IQGAP3: variants seen among roughly 807,000 people sequenced by gnomAD.
The protein encoded by IQGAP3 is IQ motif containing GTPase activating protein 3, also known as ras GTPase-activating-like protein IQGAP3.
IQGAP3 carries 165 observed loss-of-function variants against 208.2 expected under a neutral mutation model. The ratio of observed to expected loss-of-function variants is 0.79; its 90% CI spans 0.70 to 0.90. IQGAP3 has a LOEUF of 0.90. IQGAP3 is among the 40% of genes least tolerant of loss of function. IQGAP3 has a pLI of 0.00. For missense variants in IQGAP3, 1,811 were observed against 2,043.1 expected (o/e 0.89, Z 2.19); for synonymous variants, 703 against 803.6 (o/e 0.87, Z 2.12).
chr1:156,566,299 A>T (rs1261969337), intron 3 of IQGAP3, 91 bp downstream of exon 3: 20 of 1,389,602 alleles, frequency 1.4e-5, no homozygotes, highest in South Asian at 2.6e-5. Context: ...GATTTGGACA[A>T]TAAGTTATAT....
chr1:156,538,130 G>A (rs1052666794), intron 26 of IQGAP3, among the ~76,000 whole-genome samples: 5 of 151,914 alleles, frequency 3.3e-5, no homozygotes, highest in South Asian at 2.1e-4. Context: ...GCACGATCTC[G>A]GCTCACTGCA....
intron 22 of IQGAP3, among the ~76,000 whole-genome samples, chr1:156,542,143 A>G (rs1675017008): frequency 6.6e-6 from 1 of 152,216 alleles, no homozygotes; most frequent in Non-Finnish European, 1.5e-5. Context: ...ACATGATCAC[A>G]TGTACAGGTT....
At chr1:156,565,005 C>A (rs1306207543) in intron 4 of IQGAP3, among the ~76,000 whole-genome samples, 2 of 152,256 alleles carry the variant, frequency 1.3e-5, no homozygotes, top group Middle Eastern at 3.4e-3. Flanking sequence ...ATAACAGCAA[C>A]AACAACAAAA....
chr1:156,544,472 C>A lies in IQGAP3; in HGVS notation c.2305G>T (p.Ala769Ser). 3 of 1,613,450 alleles carry A rather than the reference C, an allele frequency of 1.9e-6. No individual in the cohort carries two copies. The South Asian group carries it at 3.3e-5, about 18-fold the overall frequency. Reference protein sequence around the residue: ...TWLPAVIKIQAHWRGYRQRKI... With the variant: ...TWLPAVIKIQSHWRGYRQRKI... ...CGCTGCCTATAACCCCGCCAATGAG[C>A]CTGCACATCAGGAGAGAAAGGGAAG... Residue 769 changes from alanine (A) to serine (S), a missense_variant and splice_region_variant, in exon 20 of 38, where the codon GCT becomes TCT. Ala to Ser is a moderately conservative substitution (Grantham distance 99). Coordinates refer to ENST00000361170, the MANE Select transcript of IQGAP3 (RefSeq NM_178229.5).
rs115082222 is a variant in IQGAP3 at position 156,571,932 on chromosome 1, C to G, written c.37+561G>C. 3.5e-3 allele frequency among the ~76,000 whole-genome samples: 526 copies of G among 152,338 alleles called. 3 individuals carry two copies. The highest frequency in any genetic ancestry group is 0.012 in the African/African-American group (511 of 41,578). ...CAGGGACTACCTTCCTCACAATCAC[C>G]TGGGGTGAGGGAAGAAGCACAGCAG... On this transcript the variant is annotated intron_variant, in intron 1 of 37. Transcript: ENST00000361170.
At chr1:156,541,606 G>A (rs1674987850) in intron 22 of IQGAP3, among the ~76,000 whole-genome samples, 1 of 152,164 alleles carries the variant, frequency 6.6e-6, no homozygotes, top group Admixed American at 6.5e-5. Flanking sequence ...CCACCTGTGA[G>A]GTCAGTACAC....
chr1:156,544,931 G>A lies in IQGAP3; in HGVS notation c.2305-459C>T, dbSNP rs1675160303. On this transcript the variant is annotated intron_variant, in intron 19 of 37. Coordinates refer to ENST00000361170, the MANE Select transcript of IQGAP3 (RefSeq NM_178229.5). Reference sequence around the variant, plus strand: ...ACAGAAAGTGGGCAGAGAGCAGTCTGGAAATGCATGCAGTTGTGTGGATGA... The same window carrying A: ...ACAGAAAGTGGGCAGAGAGCAGTCTAGAAATGCATGCAGTTGTGTGGATGA... 2.6e-5 allele frequency among the ~76,000 whole-genome samples: 4 copies of A among 152,324 alleles called. No homozygotes were observed. In the South Asian group the frequency reaches 8.3e-4, roughly 32 times the overall value.
rs1357843301 is a variant in IQGAP3, at chr1:156,538,917, T to C, written c.3173A>G (p.Lys1058Arg). The change falls in exon 26 of 38, where the codon AAG becomes AGG. Residue 1058 changes from lysine to arginine, a missense_variant. By Grantham distance (26) the Lys-to-Arg change is conservative. Coordinates refer to ENST00000361170, the MANE Select transcript of IQGAP3 (RefSeq NM_178229.5). ...GTCTTCTAGCACATCCTGGATAACC[T>C]TGCCCAGAATCTCCTGCAGGGCACT... ...GQSALQEILG[K>R]VIQDVLEDKV... 1 of 1,614,046 alleles carries C rather than the reference T, an allele frequency of 6.2e-7. No homozygotes were observed. Among genetic ancestry groups the C allele is most frequent in the African/African-American group, 1.3e-5 (1 of 74,912 alleles).
chr1:156,548,780 C>T, intron 16 of IQGAP3, 32 bp from the exon 17 acceptor site: 1 of 1,520,218 alleles, frequency 6.6e-7, no homozygotes, highest in Non-Finnish European at 8.8e-7. Context: ...AGCAGTCAAT[C>T]CTTCCCCCGA....
intron 12 of IQGAP3, 75 bp from the exon 13 acceptor site, chr1:156,554,467 A>G: frequency 7.1e-7 from 1 of 1,402,060 alleles, no homozygotes; most frequent in Non-Finnish European, 9.5e-7. Flanking sequence ...TCCTGCCCCC[A>G]AGGTTCTTGA....
rs747056561 is a variant in IQGAP3, at chr1:156,530,286, C to A, written c.4223G>T (p.Arg1408Leu). The A allele has an allele frequency of 6.2e-7, 1 of 1,610,644 alleles. No individual in the cohort carries two copies. Among genetic ancestry groups the A allele is most frequent in the Non-Finnish European group, 8.5e-7 (1 of 1,179,922 alleles). ...CGGTGTCTGGGCTGTACAGGCCTGG[C>A]GTCGGCTCATCAGCTGCTTGTGGGC... is the stretch of plus-strand genomic sequence containing the variant. ...EAAHKQLMSR[R>L]QACTAQTPEP... Residue 1408 changes from arginine (R) to leucine (L), a missense_variant, in exon 34 of 38, where the codon CGC becomes CTC. Arg to Leu is a moderately radical substitution (Grantham distance 102, BLOSUM62 -2). Coordinates refer to ENST00000361170, the MANE Select transcript of IQGAP3 (RefSeq NM_178229.5).
At position 156,544,424 on chromosome 1, in the gene IQGAP3, G is replaced by A; in HGVS notation, c.2353C>T (p.Gln785Ter). 6.2e-7 allele frequency: 1 copy of A among 1,614,056 alleles called. No homozygotes were observed. The change falls in exon 20 of 38, where the codon CAG (glutamine) becomes TAG (stop). Residue 785 changes from glutamine to a stop codon, truncating the protein, a stop_gained. Transcript: ENST00000361170. LOFTEE classifies it high-confidence loss of function. ...GCATCCAGGTTTGCTTTAAAATACT[G>A]CAACCACTCCAGGTAAATCTTCCGC... ...RQRKIYLEWL[Q>*]YFKANLDAII...
chr1:156,530,628 T>C (rs541579464), intron 33 of IQGAP3, among the ~76,000 whole-genome samples: 3 of 152,266 alleles, frequency 2.0e-5, no homozygotes, highest in Non-Finnish European at 4.4e-5. Flanking sequence ...GGACAGACAC[T>C]AGCTGTGACT....
At chr1:156,547,153 C>A (rs944639757) in intron 19 of IQGAP3, among the ~76,000 whole-genome samples, 5 of 152,166 alleles carry the variant, frequency 3.3e-5, no homozygotes, top group Admixed American at 2.6e-4. Context: ...ATCTTCCCTA[C>A]CAGCCTCATG....
intron 26 of IQGAP3, among the ~76,000 whole-genome samples, chr1:156,538,547 T>G (rs964555331): frequency 6.6e-6 from 1 of 152,220 alleles, no homozygotes; most frequent in African/African-American, 2.4e-5. Context: ...ATTAAGCACA[T>G]TTGCATATTC....
intron 15 of IQGAP3, among the ~76,000 whole-genome samples, chr1:156,551,244 T>A (rs1009091548): frequency 6.6e-6 from 1 of 152,124 alleles, no homozygotes; most frequent in Non-Finnish European, 1.5e-5. Context: ...GCCGCCAGGA[T>A]GTAGGCTCCA....
At position 156,528,015 on chromosome 1, in the gene IQGAP3, T is replaced by C; in HGVS notation, c.4719A>G (p.Gly1573=). The C allele has an allele frequency of 1.2e-6, 2 of 1,614,118 alleles. No individual in the cohort carries two copies. Among genetic ancestry groups the C allele is most frequent in the Non-Finnish European group, 1.7e-6 (2 of 1,180,008 alleles). Residue 1573 remains glycine, a synonymous_variant, in exon 37 of 38, where the codon GGA becomes GGG. Transcript: ENST00000361170. ...IFDITPGDEA[G]KFEVNAKFLG... ...GGAACTTGGCATTTACTTCAAACTT[T>C]CCTGCCTCATCTCCCGGCGTGATGT... is the stretch of plus-strand genomic sequence containing the variant.
Position 156,538,828 on chromosome 1 carries a change from C to T in IQGAP3, c.3262G>A (p.Ala1088Thr). Residue 1088 changes from alanine to threonine, a missense_variant, in exon 26 of 38, where the codon GCC (alanine) becomes ACC (threonine). By Grantham distance (58) the Ala-to-Thr change is moderately conservative. Coordinates refer to ENST00000361170, the MANE Select transcript of IQGAP3 (RefSeq NM_178229.5). Reference sequence around the variant, plus strand: ...GCTCACCTGCGCTGCCCTGTCTGGGCCTCAGTCTGGTTGATCCAGTTCTTA... The same window carrying T: ...GCTCACCTGCGCTGCCCTGTCTGGGTCTCAGTCTGGTTGATCCAGTTCTTA... ...LYKNWINQTE[A>T]QTGQRSHLPY... The T allele has an allele frequency of 6.2e-7, 1 of 1,614,166 alleles. No homozygotes were observed. The highest frequency in any genetic ancestry group is 8.5e-7 in the Non-Finnish European group (1 of 1,179,998).
intron 2 of IQGAP3, 120 bp downstream of exon 2, chr1:156,569,256 A>G: frequency 1.6e-6 from 1 of 636,570 alleles, no homozygotes; most frequent in Non-Finnish European, 2.8e-6. Context: ...AGCTATTTCA[A>G]CTCGCCCTTT....
Sources: gnomAD v4.1 joint callset for allele counts (sites outside exome capture counted in the v4.1 genomes callset) on GRCh38, gnomAD v4.1.1 for gene constraint, MANE v1.5 for transcripts, NCBI Gene and HGNC (gene_info 2026-07-23, HGNC 2026-07-21) for gene names.